Variants in SLC39A11 observed in about 807,000 individuals in gnomAD.
The protein encoded by SLC39A11 is zinc transporter ZIP11.
A neutral mutation model predicts 36.1 loss-of-function variants in SLC39A11; 33 were observed. The observed-to-expected ratio is 0.91, with a 90% CI of 0.69 to 1.22. SLC39A11 has a LOEUF of 1.22. Among genes scored for constraint, SLC39A11 ranks in the 50% most tolerant of loss-of-function variants. SLC39A11 has a pLI of 0.00. For missense variants in SLC39A11, 432 were observed against 430.3 expected (o/e 1.00, Z -0.03); for synonymous variants, 166 against 170.3 (o/e 0.97, Z 0.20).
At chr17:72,754,008 A>T (rs537590868) in intron 6 of SLC39A11, among the ~76,000 whole-genome samples, 1 of 96,724 alleles carries the variant, frequency 1.0e-5, no homozygotes, top group African/African-American at 4.2e-5. Context: ...AGAAACTGTG[A>T]TATGTATATA....
chr17:73,068,138 G>A (rs2060051399), intron 3 of SLC39A11: 1 of 1,334,376 alleles, frequency 7.5e-7, no homozygotes, highest in South Asian at 1.2e-5. Context: ...TTTTTTCTTG[G>A]TGTCGCCAGC....
chr17:72,989,684 T>G (rs1461718393), intron 4 of SLC39A11, among the ~76,000 whole-genome samples: 2 of 152,244 alleles, frequency 1.3e-5, no homozygotes. Flanking sequence ...AGACTGTTTT[T>G]CTTATTCCAC....
At chr17:72,849,203 G>A (rs1364942350) in intron 6 of SLC39A11, among the ~76,000 whole-genome samples, 2 of 152,116 alleles carry the variant, frequency 1.3e-5, no homozygotes, top group South Asian at 2.1e-4. Context: ...TGCTCTCTCA[G>A]GGGGCAGAGG....
intron 7 of SLC39A11, among the ~76,000 whole-genome samples, chr17:72,680,041 CAAAAAAA>C (rs199650969): frequency 4.9e-4 from 35 of 71,680 alleles, no homozygotes; most frequent in Admixed American, 2.1e-3. Context: ...GACTCTGTCT[CAAAAAAA>C]AAAAAAAAAA....
chr17:72,993,534 G>T (rs190731811), intron 4 of SLC39A11, among the ~76,000 whole-genome samples: 77 of 152,244 alleles, frequency 5.1e-4, no homozygotes, highest in African/African-American at 1.9e-3. Context: ...AGGGTATATG[G>T]TAGATTACAA....
rs77999024 is a variant in SLC39A11 at position 72,746,990 on chromosome 17, T to C, written c.602-10271A>G. 1.7e-3 allele frequency among the ~76,000 whole-genome samples: 257 copies of C among 152,068 alleles called. 7 individuals are homozygous for C. In the East Asian group the frequency reaches 0.045, roughly 26 times the overall value. On this transcript the variant is annotated intron_variant, in intron 6 of 9. Transcript: ENST00000255559. ...TGAGCCCAAGAGGTCAAGGCTGCAG[T>C]GAGCTATGATCGCACCACTGCACTT...
At chr17:72,965,627 T>A (rs1177271653) in intron 4 of SLC39A11, among the ~76,000 whole-genome samples, 1 of 152,242 alleles carries the variant, frequency 6.6e-6, no homozygotes, top group Admixed American at 6.5e-5. Context: ...GTGTATTAAA[T>A]GCATTTTTGA....
chr17:73,081,590 G>A (rs1205269695), intron 3 of SLC39A11, among the ~76,000 whole-genome samples: 1 of 127,256 alleles, frequency 7.9e-6, no homozygotes, highest in Non-Finnish European at 1.7e-5. Context: ...CACCAATCAA[G>A]GAGTGGATAA....
intron 5 of SLC39A11, among the ~76,000 whole-genome samples, chr17:72,852,228 A>AAAAAAAAAAAAAAAAATAAAAAAC (rs1491123331): frequency 7.4e-6 from 1 of 134,828 alleles, no homozygotes; most frequent in Non-Finnish European, 1.6e-5. Flanking sequence ...AAAAAAAAAA[A>AAAAAAAAAAAAAAAAATAAAAAAC]CAGAAAGAAA....
At chr17:72,823,483 G>A (rs1325608059) in intron 6 of SLC39A11, 1 of 151,198 alleles carries the variant, frequency 6.6e-6, no homozygotes, top group African/African-American at 2.4e-5. Context: ...TTCACAGACT[G>A]AGAGATGTTC....
intron 7 of SLC39A11, among the ~76,000 whole-genome samples, chr17:72,652,147 G>A (rs1420352276): frequency 6.6e-6 from 1 of 152,122 alleles, no homozygotes; most frequent in Non-Finnish European, 1.5e-5. Flanking sequence ...GTGTGGCTGT[G>A]TTCCAATAAA....
intron 5 of SLC39A11, among the ~76,000 whole-genome samples, chr17:72,941,614 T>C (rs1331497760): frequency 6.6e-6 from 1 of 151,696 alleles, no homozygotes; most frequent in East Asian, 1.9e-4. Flanking sequence ...TGCTCCATAT[T>C]AGGCCAAATA....
At chr17:73,002,480 G>C (rs1313934727) in intron 4 of SLC39A11, among the ~76,000 whole-genome samples, 1 of 152,178 alleles carries the variant, frequency 6.6e-6, no homozygotes, top group African/African-American at 2.4e-5. Context: ...AAATGTTACT[G>C]TTCTATTTTG....
chr17:72,952,001 T>C (rs986721990), intron 4 of SLC39A11, among the ~76,000 whole-genome samples: 14 of 152,096 alleles, frequency 9.2e-5, no homozygotes, highest in Non-Finnish European at 1.6e-4. Context: ...TAACTTCACT[T>C]AGAAGCTGCC....
At chr17:72,954,302 T>A (rs997041309) in intron 4 of SLC39A11, among the ~76,000 whole-genome samples, 1 of 152,226 alleles carries the variant, frequency 6.6e-6, no homozygotes, top group Non-Finnish European at 1.5e-5. Context: ...GAAGGCAGTC[T>A]CTTTAATTGA....
rs560183467 is a variant in SLC39A11, at chr17:72,786,736, T to A, written c.602-50017A>T. Among the ~76,000 whole-genome samples the A allele has an allele frequency of 5.0e-4, 76 of 152,292 alleles. 1 individual carries two copies. Among genetic ancestry groups the A allele is most frequent in the African/African-American group, 1.8e-3 (73 of 41,566 alleles). On this transcript the variant is annotated intron_variant, in intron 6 of 9. Coordinates refer to ENST00000255559, the MANE Select transcript of SLC39A11 (RefSeq NM_139177.4). ...TAATGAGATTAAGGGATTCTTGTAC[T>A]GTCCTGGGGGCAGTGATATGTGAGA...
At chr17:72,937,462 A>G (rs1213896989) in intron 5 of SLC39A11, among the ~76,000 whole-genome samples, 1 of 152,042 alleles carries the variant, frequency 6.6e-6, no homozygotes, top group Non-Finnish European at 1.5e-5. Context: ...GTCTAAACAA[A>G]CAAACAAAAA....
At chr17:72,748,209 C>A (rs555089353) in intron 6 of SLC39A11, among the ~76,000 whole-genome samples, 14 of 152,050 alleles carry the variant, frequency 9.2e-5, no homozygotes, top group African/African-American at 2.7e-4. Context: ...GTAGTCCCAG[C>A]TACTTGGGAG....
chr17:72,719,914 G>A (rs969685512), intron 7 of SLC39A11, among the ~76,000 whole-genome samples: 1 of 152,180 alleles, frequency 6.6e-6, no homozygotes, highest in African/African-American at 2.4e-5. Flanking sequence ...GGGAGGGGCA[G>A]CACTGTCATC....
Sources: allele counts gnomAD v4.1 joint callset (sites outside exome capture counted in the v4.1 genomes callset), GRCh38; gene constraint gnomAD v4.1.1; transcripts MANE v1.5; gene names NCBI Gene and HGNC (gene_info 2026-07-23, HGNC 2026-07-21).